C3: variants seen among roughly 807,000 people sequenced by gnomAD.
The protein encoded by C3 is C3 and PZP-like alpha-2-macroglobulin domain-containing protein 1.
Under a neutral mutation model 207.9 loss-of-function variants are expected in C3, and 97 were observed. The observed-to-expected ratio is 0.47, with a 90% confidence interval of 0.40 to 0.55. The LOEUF is 0.55. C3 is among the 20% of genes least tolerant of loss of function. C3 has a pLI of 0.00. For missense variants in C3, 1,684 were observed against 2,171.7 expected, an observed-to-expected ratio of 0.78 and a Z score of 4.46; for synonymous variants, 848 against 857.6, an observed-to-expected ratio of 0.99 and a Z score of 0.20.
intron 23 of C3, among the ~76,000 whole-genome samples, chr19:6,695,562 C>G (rs1218645261): frequency 1.3e-5 from 2 of 152,074 alleles, no homozygotes; most frequent in Non-Finnish European, 2.9e-5. Flanking sequence ...TTACTGCAAC[C>G]TACGCCTCCC....
chr19:6,687,003 C>A, intron 27 of C3, 101 bp from the exon 28 acceptor site: 1 of 1,220,476 alleles, frequency 8.2e-7, no homozygotes, highest in East Asian at 2.4e-5. Context: ...GATTTCTGTC[C>A]TTGGGACACA....
chr19:6,690,084 C>G (rs1036814850), intron 27 of C3, among the ~76,000 whole-genome samples: 1 of 152,124 alleles, frequency 6.6e-6, no homozygotes, highest in Admixed American at 6.6e-5. Context: ...GAATCAAAAC[C>G]AGAGGAAAAA....
At chr19:6,690,449 C>T (rs11569513) in intron 27 of C3, among the ~76,000 whole-genome samples, 180 bp downstream of exon 27, 1 of 152,220 alleles carries the variant, frequency 6.6e-6, no homozygotes, top group East Asian at 1.9e-4. Flanking sequence ...TATTAGAGGG[C>T]GGGTCTGTAT....
chr19:6,705,832 G>A (rs572391407), intron 17 of C3, among the ~76,000 whole-genome samples: 6 of 151,914 alleles, frequency 3.9e-5, no homozygotes, highest in African/African-American at 9.7e-5. Context: ...CTGCCAGCTC[G>A]CCAGGCTATT....
At chr19:6,702,641 A>G (rs1568220505) in intron 17 of C3, 62 bp from the exon 18 acceptor site, 2 of 1,176,800 alleles carry the variant, frequency 1.7e-6, no homozygotes, top group Non-Finnish European at 2.6e-6. Context: ...CTCATGCCTG[A>G]AATCCCAGCA....
intron 27 of C3, among the ~76,000 whole-genome samples, chr19:6,687,625 T>C (rs1048189631): frequency 2.6e-5 from 4 of 152,142 alleles, no homozygotes; most frequent in African/African-American, 9.7e-5. Flanking sequence ...CCTACCAATA[T>C]GGTGTCGTTG....
intron 17 of C3, among the ~76,000 whole-genome samples, chr19:6,704,576 C>G (rs925862168): frequency 7.9e-5 from 12 of 152,084 alleles, no homozygotes; most frequent in African/African-American, 2.9e-4. Context: ...CTGGCCAACA[C>G]GGTGAAACCT....
chr19:6,689,328 C>CCTATCTCTCTCTCTCTCTCTCT (rs1918098314), intron 27 of C3, among the ~76,000 whole-genome samples: 3 of 53,244 alleles, frequency 5.6e-5, no homozygotes, highest in African/African-American at 3.0e-4. Flanking sequence ...TCTCTACCTA[C>CCTATCTCTCTCTCTCTCTCTCT]CTCCCTCCCT....
intron 7 of C3, chr19:6,713,777 C>T (rs11569572): frequency 0.11 from 30,647 of 268,244 alleles, 2,550 homozygotes; most frequent in South Asian, 0.14. Flanking sequence ...TGACTCCACC[C>T]CCCAGCCCCC....
At chr19:6,701,493 G>T (rs988112095) in intron 19 of C3, among the ~76,000 whole-genome samples, 9 of 152,142 alleles carry the variant, frequency 5.9e-5, no homozygotes, top group African/African-American at 2.2e-4. Context: ...GAGCAGCCAT[G>T]TCTGTGTCGT....
chr19:6,691,706 C>T (rs1918171331), intron 26 of C3, among the ~76,000 whole-genome samples: 2 of 151,972 alleles, frequency 1.3e-5, no homozygotes, highest in Non-Finnish European at 2.9e-5. Flanking sequence ...ATTCCTAGGC[C>T]GGGCGCGGTG....
chr19:6,707,061 C>A lies in C3; in HGVS notation c.2245+15G>T, dbSNP rs11569434. The A allele has an allele frequency of 4.4e-6, 7 of 1,605,444 alleles. No homozygotes were observed. In the Admixed American group the frequency reaches 8.4e-5, roughly 19 times the overall value. ...AGACGGCCCCCTCCCCCTGTCCCCACCCCGTGGGACCTACTCCTGGCCAGG... is the reference window on the plus strand; with the variant it reads ...AGACGGCCCCCTCCCCCTGTCCCCAACCCGTGGGACCTACTCCTGGCCAGG... On this transcript the variant is annotated intron_variant, in intron 17 of 40. Coordinates refer to ENST00000245907, the MANE Select transcript of C3 (RefSeq NM_000064.4).
In C3 at chr19:6,699,243, C is replaced by CTTT. The variant is rs58493671; in HGVS notation, c.2441-1452_2441-1450dup. On this transcript the variant is annotated intron_variant, in intron 19 of 40. Coordinates refer to ENST00000245907, the MANE Select transcript of C3 (RefSeq NM_000064.4). ...TTTTCTTTCTCTTTTCTTTTCTTTTCTTTTTTTTTTTTGTAGAGACGGGGC... is the reference window on the plus strand; with the variant it reads ...TTTTCTTTCTCTTTTCTTTTCTTTTCTTTTTTTTTTTTTTTGTAGAGACGGGGC... Among the ~76,000 whole-genome samples, 11 of 131,282 alleles carry CTTT rather than the reference C, an allele frequency of 8.4e-5. No homozygotes were observed. In the East Asian group the frequency reaches 1.9e-3, roughly 23 times the overall value. 86.1% of individuals were successfully genotyped at this position (131,282 alleles called of 152,430 possible). A position where few individuals can be genotyped will look rare whatever the true frequency, so the allele number is the denominator to read the frequency against.
Position 6,714,361 on chromosome 19 carries a change from T to C in C3, c.590A>G (p.Glu197Gly), listed in dbSNP as rs1395882607. The C allele has an allele frequency of 1.9e-6, 3 of 1,613,614 alleles. No individual in the cohort carries two copies. Among genetic ancestry groups the C allele is most frequent in the African/African-American group, 2.7e-5 (2 of 74,920 alleles). The change falls in exon 5 of 41, where the codon GAA becomes GGA. Residue 197 changes from glutamate (E) to glycine (G), a missense_variant. Physicochemically the swap from Glu to Gly is moderately conservative, Grantham distance 98. This residue lies in a region of C3 where 1,280 missense variants were observed against 1,739.1 expected (regional missense o/e 0.74). Transcript: ENST00000245907. ...CAAGAACCTGACATACTTGACGAGTTCCGGAATGTCCCAAGACAAGGGCAA... is the reference window on the plus strand; with the variant it reads ...CAAGAACCTGACATACTTGACGAGTCCCGGAATGTCCCAAGACAAGGGCAA... Reference protein sequence around the residue: ...GVLPLSWDIPELVNMGQWKIR... With the variant: ...GVLPLSWDIPGLVNMGQWKIR...
Position 6,714,065 on chromosome 19 carries a change from C to T in C3, c.700G>A (p.Val234Ile), listed in dbSNP as rs1348088667. The T allele has an allele frequency of 1.9e-6, 3 of 1,612,610 alleles. No homozygotes were observed. In the South Asian group the frequency reaches 3.3e-5, roughly 18 times the overall value. Residue 234 changes from valine to isoleucine, a missense_variant, in exon 7 of 41, where the codon GTC becomes ATC. Coordinates refer to ENST00000245907, the MANE Select transcript of C3 (RefSeq NM_000064.4). Reference protein sequence around the residue: ...VKEYVLPSFEVIVEPTEKFYY... With the variant: ...VKEYVLPSFEIIVEPTEKFYY... ...AATTTCTCTGTAGGCTCCACTATGACCTCGAAACTGGGCAGCACTGGGGGA... is the reference window on the plus strand; with the variant it reads ...AATTTCTCTGTAGGCTCCACTATGATCTCGAAACTGGGCAGCACTGGGGGA...
At position 6,682,028 on chromosome 19, in the gene C3, C is replaced by T. The variant is rs752000215; in HGVS notation, c.4263G>A (p.Leu1421=). Residue 1421 remains leucine, a splice_region_variant and synonymous_variant, in exon 35 of 41, where the codon CTG becomes CTA. Coordinates refer to ENST00000245907, the MANE Select transcript of C3 (RefSeq NM_000064.4). ...AGATGTATCTGTCAACACCATTGGC[C>T]AGCTGGGGAAAGGTGGAGCCTGTGA... is the stretch of plus-strand genomic sequence containing the variant. ...FAPDTDDLKQ[L]ANGVDRYISK... The T allele has an allele frequency of 6.2e-6, 10 of 1,613,908 alleles. No homozygotes were observed. Among genetic ancestry groups the T allele is most frequent in the African/African-American group, 1.3e-5 (1 of 74,914 alleles).
intron 11 of C3, 62 bp from the exon 12 acceptor site, chr19:6,711,258 T>C (rs1967919058): frequency 7.2e-7 from 1 of 1,386,606 alleles, no homozygotes; most frequent in Non-Finnish European, 1.0e-6. Flanking sequence ...CCCGAATCCC[T>C]GAGACCTGGG....
chr19:6,679,488 AGCTT>A lies in C3; in HGVS notation c.4461_4464del (p.Glu1487AspfsTer15). ...TTTTCCGGATGGTAGAACCGGGTACAGCTTTCCTCTGCGGGCAGATGTGATGTGA... is the reference window on the plus strand; with the variant it reads ...TTTTCCGGATGGTAGAACCGGGTACATCCTCTGCGGGCAGATGTGATGTGA... On this transcript the variant is annotated frameshift_variant, in exon 37 of 41. Transcript: ENST00000245907. LOFTEE classifies it high-confidence loss of function. The A allele has an allele frequency of 6.2e-7, 1 of 1,612,130 alleles. No homozygotes were observed. The highest frequency in any genetic ancestry group is 8.5e-7 in the Non-Finnish European group (1 of 1,178,166).
At chr19:6,711,431 A>T (rs905586643) in intron 11 of C3, among the ~76,000 whole-genome samples, 1 of 152,170 alleles carries the variant, frequency 6.6e-6, no homozygotes, top group African/African-American at 2.4e-5. Context: ...ACAGAGAGAA[A>T]GAGAGACACT....
Sources: allele counts gnomAD v4.1 joint callset (sites outside exome capture counted in the v4.1 genomes callset), GRCh38; gene constraint gnomAD v4.1.1; regional missense constraint gnomAD v4.1.1; transcripts MANE v1.5; gene names NCBI Gene and HGNC (gene_info 2026-07-23, HGNC 2026-07-21).